Variants in GADL1 observed in about 807,000 individuals in gnomAD.
The protein encoded by GADL1 is acidic amino acid decarboxylase GADL1.
Under a neutral mutation model 69.5 loss-of-function variants are expected in GADL1, and 71 were observed. That is an observed-to-expected ratio of 1.02 (90% confidence interval 0.84 to 1.25). GADL1 has a LOEUF of 1.25. GADL1 is among the 50% of genes most tolerant of loss of function. The pLI is 0.00. For missense variants in GADL1, 737 were observed against 631.8 expected, an observed-to-expected ratio of 1.17 and a Z score of -1.79; for synonymous variants, 254 against 214.4, an observed-to-expected ratio of 1.18 and a Z score of -1.62.
chr3:30,808,534 G>C (rs1697297485), intron 11 of GADL1, among the ~76,000 whole-genome samples: 1 of 151,746 alleles, frequency 6.6e-6, no homozygotes, highest in Non-Finnish European at 1.5e-5. Context: ...TCAAATGTGA[G>C]ATTTCAAGTG....
At chr3:30,875,390 G>A (rs147898212) in intron 1 of GADL1, among the ~76,000 whole-genome samples, 1 of 151,878 alleles carries the variant, frequency 6.6e-6, no homozygotes, top group African/African-American at 2.4e-5. Context: ...TCCCATATGA[G>A]GACCTTCCAA....
intron 1 of GADL1, among the ~76,000 whole-genome samples, chr3:30,886,673 T>G (rs1025323815): frequency 4.6e-5 from 7 of 152,176 alleles, no homozygotes; most frequent in African/African-American, 1.7e-4. Context: ...TGTAACTGTT[T>G]GCTCACCACA....
intron 14 of GADL1, among the ~76,000 whole-genome samples, chr3:30,729,780 C>T (rs1695427572): frequency 6.6e-6 from 1 of 152,180 alleles, no homozygotes; most frequent in Non-Finnish European, 1.5e-5. Flanking sequence ...TTAATTTTAA[C>T]TCAACACTTT....
At chr3:30,833,746 A>G (rs946392441) in intron 11 of GADL1, 107 bp downstream of exon 11, 13 of 725,600 alleles carry the variant, frequency 1.8e-5, no homozygotes, top group African/African-American at 1.7e-4. Flanking sequence ...AACACCTTCA[A>G]TTTACGCCTC....
chr3:30,749,011 G>A (rs66489044), intron 14 of GADL1, among the ~76,000 whole-genome samples: 33,728 of 152,058 alleles, frequency 0.22, 5,822 homozygotes, highest in African/African-American at 0.48. Context: ...CACATTCAAT[G>A]TTGTGGTTCT....
intron 1 of GADL1, among the ~76,000 whole-genome samples, chr3:30,883,993 A>C (rs1053702723): frequency 3.3e-5 from 5 of 152,068 alleles, no homozygotes; most frequent in Admixed American, 2.6e-4. Context: ...CCACTTGTCT[A>C]AGTCCTTCAA....
intron 10 of GADL1, 114 bp from the exon 11 acceptor site, chr3:30,834,048 C>A: frequency 1.1e-6 from 1 of 910,272 alleles, no homozygotes; most frequent in South Asian, 1.4e-5. Flanking sequence ...GTTTACTGTT[C>A]TATAGAACTC....
rs145687365 is a variant in GADL1, at chr3:30,850,027, G to A, written c.620C>T (p.Ser207Leu). The change falls in exon 6 of 15, where the codon TCG becomes TTG. Residue 207 changes from serine to leucine, a missense_variant. Transcript: ENST00000282538. ...AGATGTGAAAAGGATTAATCTTGGCGAACCAGACAGCCCCTTTTCCTTAAT... is the reference window on the plus strand; with the variant it reads ...AGATGTGAAAAGGATTAATCTTGGCAAACCAGACAGCCCCTTTTCCTTAAT... ...PDIKEKGLSGSPRLILFTSAE... is the reference protein window; with the variant it reads ...PDIKEKGLSGLPRLILFTSAE... The A allele has an allele frequency of 4.8e-4, 767 of 1,607,502 alleles. 8 individuals are homozygous for A. The African/African-American group carries it at 7.9e-3, about 17-fold the overall frequency.
chr3:30,836,087 A>G (rs1697868731), intron 9 of GADL1, among the ~76,000 whole-genome samples: 1 of 151,826 alleles, frequency 6.6e-6, no homozygotes, highest in Non-Finnish European at 1.5e-5. Context: ...TACTTTTCTC[A>G]CTTCTCTTAT....
chr3:30,768,336 A>AG (rs1271565790), intron 14 of GADL1, among the ~76,000 whole-genome samples: 11 of 152,300 alleles, frequency 7.2e-5, no homozygotes, highest in African/African-American at 2.6e-4. Flanking sequence ...AATTATGAGA[A>AG]GGGACTACTT....
chr3:30,861,518 T>G (rs1698320367), intron 2 of GADL1, 75 bp downstream of exon 2: 2 of 1,105,396 alleles, frequency 1.8e-6, no homozygotes, highest in South Asian at 3.4e-5. Flanking sequence ...CCATTTGCTT[T>G]CTATTCAGCC....
At position 30,737,438 on chromosome 3, in the gene GADL1, T is replaced by C. The variant is rs573557820; in HGVS notation, c.1393-9023A>G. Among the ~76,000 whole-genome samples, 6 of 152,292 alleles carry C rather than the reference T, an allele frequency of 3.9e-5. No individual in the cohort carries two copies. The South Asian group carries it at 1.2e-3, about 32-fold the overall frequency. ...AAATCTAATAAAGTGTTTAAAACAC[T>C]TAACCATGGCCCAGGAAACAATGAG... On this transcript the variant is annotated intron_variant, in intron 14 of 14. Coordinates refer to ENST00000282538, the MANE Select transcript of GADL1 (RefSeq NM_207359.3).
chr3:30,802,726 A>G (rs1247859050), intron 11 of GADL1, among the ~76,000 whole-genome samples: 1 of 152,218 alleles, frequency 6.6e-6, no homozygotes, highest in Non-Finnish European at 1.5e-5. Flanking sequence ...GTATGATTTT[A>G]TACTACAGAG....
intron 11 of GADL1, among the ~76,000 whole-genome samples, chr3:30,816,966 A>G (rs1697488135): frequency 1.3e-5 from 2 of 152,100 alleles, no homozygotes; most frequent in Non-Finnish European, 2.9e-5. Context: ...TATAGTCCCC[A>G]AGCCTATCAC....
intron 4 of GADL1, among the ~76,000 whole-genome samples, chr3:30,852,667 T>G (rs2125533026): frequency 6.6e-6 from 1 of 152,064 alleles, no homozygotes; most frequent in Admixed American, 6.5e-5. Flanking sequence ...ATTTAGCCTG[T>G]CTTTGAAAAC....
intron 6 of GADL1, among the ~76,000 whole-genome samples, chr3:30,849,110 T>C (rs536697816): frequency 6.6e-6 from 1 of 152,178 alleles, no homozygotes; most frequent in East Asian, 1.9e-4. Flanking sequence ...AGGACACACC[T>C]AGACTGACCT....
At chr3:30,863,721 C>T (rs1241629051) in intron 1 of GADL1, among the ~76,000 whole-genome samples, 2 of 147,862 alleles carry the variant, frequency 1.4e-5, no homozygotes, top group Admixed American at 1.4e-4. Flanking sequence ...AAAAAAAAAC[C>T]CTTCTAAATA....
At chr3:30,836,755 T>C (rs1697881455) in intron 9 of GADL1, among the ~76,000 whole-genome samples, 1 of 151,986 alleles carries the variant, frequency 6.6e-6, no homozygotes, top group African/African-American at 2.4e-5. Context: ...TAGGAAGCTT[T>C]GTTGGGAATG....
intron 14 of GADL1, among the ~76,000 whole-genome samples, chr3:30,771,462 T>C (rs1378578988): frequency 6.6e-6 from 1 of 152,222 alleles, no homozygotes; most frequent in Non-Finnish European, 1.5e-5. Flanking sequence ...TCTTGAAATC[T>C]ACAATGCCAG....
Sources: gnomAD v4.1 joint callset for allele counts (sites outside exome capture counted in the v4.1 genomes callset) on GRCh38, gnomAD v4.1.1 for gene constraint, MANE v1.5 for transcripts, NCBI Gene and HGNC (gene_info 2026-07-23, HGNC 2026-07-21) for gene names.